The following CCDC141 variants were observed in gnomAD, a reference collection of about 807,000 sequenced individuals.
The protein encoded by CCDC141 is coiled-coil domain-containing protein 141.
CCDC141 carries 168 observed loss-of-function variants against 181.0 expected under a neutral mutation model. The ratio of observed to expected loss-of-function variants is 0.93; its 90% CI spans 0.82 to 1.05. CCDC141 has a LOEUF of 1.05. CCDC141 is among the 50% of genes least tolerant of loss of function. The pLI is 0.00. For missense variants in CCDC141, 1,902 were observed against 1,788.5 expected, an observed-to-expected ratio of 1.06 and a Z score of -1.14; for synonymous variants, 666 against 642.3, an observed-to-expected ratio of 1.04 and a Z score of -0.56.
chr2:178,878,111 A>G lies in CCDC141; in HGVS notation c.1752T>C (p.Phe584=). 6.2e-7 allele frequency: 1 copy of G among 1,607,624 alleles called. No individual in the cohort carries two copies. Among genetic ancestry groups the G allele is most frequent in the Non-Finnish European group, 8.5e-7 (1 of 1,178,608 alleles). The change falls in exon 12 of 24, where the codon TTT becomes TTC. Residue 584 remains phenylalanine, a synonymous_variant. Transcript: ENST00000443758. ...VEMQFQSLKE[F]YETEIPQKEQ... ...CCTTCTGAGGGATTTCGGTTTCATA[A>G]AATTCTTTTAAGCTCTGAAACTGCA...
chr2:178,994,389 T>C (rs994910519), intron 2 of CCDC141, among the ~76,000 whole-genome samples: 7 of 152,222 alleles, frequency 4.6e-5, no homozygotes, highest in African/African-American at 1.7e-4. Context: ...CTTCTGAAGC[T>C]ACAGCCCAAG....
intron 5 of CCDC141, among the ~76,000 whole-genome samples, chr2:178,948,170 C>T (rs1403617996): frequency 6.6e-6 from 1 of 151,620 alleles, no homozygotes. Context: ...CACTGCACTC[C>T]AGCTTGGGCA....
At chr2:178,988,440 G>A (rs1235606366) in intron 2 of CCDC141, among the ~76,000 whole-genome samples, 1 of 151,288 alleles carries the variant, frequency 6.6e-6, no homozygotes. Flanking sequence ...TGCACAATGT[G>A]CACATGTACC....
chr2:178,936,398 G>A (rs1217722172), intron 6 of CCDC141, among the ~76,000 whole-genome samples: 1 of 151,890 alleles, frequency 6.6e-6, no homozygotes, highest in Non-Finnish European at 1.5e-5. Context: ...TGAAGATCAG[G>A]TGGTCATAGG....
intron 2 of CCDC141, among the ~76,000 whole-genome samples, chr2:179,040,763 C>G (rs1575381334): frequency 6.6e-6 from 1 of 152,206 alleles, no homozygotes; most frequent in Non-Finnish European, 1.5e-5. Flanking sequence ...ATGTACCACA[C>G]TTTCTTTATC....
At chr2:178,824,198 T>A in the CCDC141 span, among the ~76,000 whole-genome samples, 2 of 152,198 alleles carry the variant, frequency 1.3e-5, no homozygotes, top group Non-Finnish European at 2.9e-5. Context: ...ACCAACAATT[T>A]CTTATATTTA....
At chr2:178,900,151 T>C (rs1025829514) in intron 8 of CCDC141, among the ~76,000 whole-genome samples, 1 of 152,174 alleles carries the variant, frequency 6.6e-6, no homozygotes, top group African/African-American at 2.4e-5. Flanking sequence ...AACTACAATG[T>C]TGACAGAAAC....
intron 2 of CCDC141, among the ~76,000 whole-genome samples, chr2:179,021,015 C>G (rs1449660299): frequency 6.6e-6 from 1 of 152,206 alleles, no homozygotes; most frequent in Non-Finnish European, 1.5e-5. Context: ...AGCACATCAC[C>G]TGGCTACTGT....
chr2:178,893,206 G>A (rs1474820511), intron 8 of CCDC141, among the ~76,000 whole-genome samples: 16 of 143,448 alleles, frequency 1.1e-4, no homozygotes, highest in African/African-American at 4.0e-4. Context: ...AGTGGAGGGG[G>A]AAGAAAAATA....
chr2:178,820,468 C>T, the CCDC141 span, among the ~76,000 whole-genome samples: 1 of 152,086 alleles, frequency 6.6e-6, no homozygotes, highest in African/African-American at 2.4e-5. Flanking sequence ...ATTATATCTT[C>T]CCATGAAAAC....
Position 178,832,477 on chromosome 2 carries a change from AAAAAAAC to A in CCDC141, c.*1689_*1695del, listed in dbSNP as rs1370137180. On this transcript the variant is annotated 3_prime_UTR_variant, in exon 24 of 24. Coordinates refer to ENST00000443758, the MANE Select transcript of CCDC141 (RefSeq NM_173648.4). ...CAAGACTCTTTCTCAAAAAAAAAAAAAAAAAACAAAAAAAACAAAAAAAAGATAGTTA... is the reference window on the plus strand; with the variant it reads ...CAAGACTCTTTCTCAAAAAAAAAAAAAAAAAAAACAAAAAAAAGATAGTTA... 4 of 134,322 alleles carry A rather than the reference AAAAAAAC, an allele frequency of 3.0e-5. No individual in the cohort carries two copies. In the East Asian group the frequency reaches 6.6e-4, roughly 22 times the overall value. 8.3% of individuals were successfully genotyped at this position (134,322 alleles called of 1,614,324 possible).
rs1469627381 is a variant in CCDC141, at chr2:178,872,215, A to C, written c.1997T>G (p.Leu666Arg). The C allele has an allele frequency of 6.2e-7, 1 of 1,614,036 alleles. No individual in the cohort carries two copies. The highest frequency in any genetic ancestry group is 8.5e-7 in the Non-Finnish European group (1 of 1,179,968). Residue 666 changes from leucine to arginine, a missense_variant, in exon 13 of 24, where the codon CTT becomes CGT. Physicochemically the swap from Leu to Arg is moderately radical, Grantham distance 102 (BLOSUM62 -2). Transcript: ENST00000443758. The stretch of plus-strand genomic sequence containing the variant: ...GGCTTTAAGCTGCCATGCCAGCCGA[A>C]GGAGGCTAAGTTCTTCCCGTTCTGC... Reference protein sequence around the residue: ...QKAEREELSLLRLAWQLKATE... With the variant: ...QKAEREELSLRRLAWQLKATE...
At chr2:178,873,176 C>A (rs1416315083) in intron 12 of CCDC141, 1 of 152,096 alleles carries the variant, frequency 6.6e-6, no homozygotes, top group Non-Finnish European at 1.5e-5. Context: ...TTGACAGTAT[C>A]ATAAATACTT....
intron 17 of CCDC141, among the ~76,000 whole-genome samples, chr2:178,861,635 CA>C (rs550382240): frequency 0.044 from 4,326 of 98,074 alleles, 104 homozygotes; most frequent in Middle Eastern, 0.11. Context: ...GACTCAGTCT[CA>C]AAAAAAAAAA....
In CCDC141 at chr2:178,978,655, C is replaced by T; in HGVS notation, c.246G>A (p.Trp82Ter). ...AKLKALEDRV[W>*]ELLQEADKTA... The stretch of plus-strand genomic sequence containing the variant: ...TCTTGTCTGCTTCCTGCAAGAGTTC[C>T]CATACCCGATCTTCCAAAGCCTAAG... Residue 82 changes from tryptophan (W) to a stop codon, truncating the protein, a stop_gained, in exon 3 of 24, where the codon TGG becomes TGA. Coordinates refer to ENST00000443758, the MANE Select transcript of CCDC141 (RefSeq NM_173648.4). LOFTEE classifies it high-confidence loss of function. 1 of 1,541,736 alleles carries T rather than the reference C, an allele frequency of 6.5e-7. No individual in the cohort carries two copies. The highest frequency in any genetic ancestry group is 8.7e-7 in the Non-Finnish European group (1 of 1,143,464).
At chr2:178,958,522 T>TA (rs575668483) in intron 5 of CCDC141, among the ~76,000 whole-genome samples, 26 of 151,026 alleles carry the variant, frequency 1.7e-4, no homozygotes, top group Admixed American at 1.1e-3. Flanking sequence ...CACTCACCTC[T>TA]AAAAAAAAAT....
Position 178,918,707 on chromosome 2 carries a change from A to G in CCDC141, c.1092+6T>C. On this transcript the variant is annotated splice_donor_region_variant and intron_variant, in intron 7 of 23. Coordinates refer to ENST00000443758, the MANE Select transcript of CCDC141 (RefSeq NM_173648.4). ...CCGAAAATTATCAACTTGACCTCAC[A>G]CTGACCTTGTTAGCACTGTTAAAAA... 1 of 1,549,264 alleles carries G rather than the reference A, an allele frequency of 6.5e-7. No individual in the cohort carries two copies. The highest frequency in any genetic ancestry group is 2.4e-5 in the East Asian group (1 of 40,912).
intron 6 of CCDC141, among the ~76,000 whole-genome samples, chr2:178,930,239 G>A (rs1210185181): frequency 6.6e-6 from 1 of 151,708 alleles, no homozygotes; most frequent in Non-Finnish European, 1.5e-5. Context: ...AAATACCTAG[G>A]AATAAATTTA....
chr2:178,997,680 C>T (rs1259168017), intron 2 of CCDC141, among the ~76,000 whole-genome samples: 1 of 152,164 alleles, frequency 6.6e-6, no homozygotes, highest in East Asian at 1.9e-4. Flanking sequence ...AATTTGCCTC[C>T]TCATTCCCCA....
Sources: allele counts gnomAD v4.1 joint callset (sites outside exome capture counted in the v4.1 genomes callset), GRCh38; gene constraint gnomAD v4.1.1; transcripts MANE v1.5; gene names NCBI Gene and HGNC (gene_info 2026-07-23, HGNC 2026-07-21).